SWT1: variants seen among roughly 807,000 people sequenced by gnomAD.
SWT1 encodes the protein transcriptional protein SWT1.
In SWT1, 33 loss-of-function variants were observed where a neutral mutation model predicts 107.3. The ratio of observed to expected loss-of-function variants is 0.31; its 90% CI spans 0.23 to 0.41. The LOEUF is 0.41. Among genes scored for constraint, SWT1 ranks in the 10% least tolerant of loss-of-function variants. SWT1 has a pLI of 1.00. For missense variants in SWT1, 898 were observed against 1,028.9 expected (o/e 0.87, Z 1.74); for synonymous variants, 345 against 348.3 (o/e 0.99, Z 0.11).
intron 16 of SWT1, among the ~76,000 whole-genome samples, chr1:185,233,813 A>G (rs7553819): frequency 0.45 from 68,047 of 151,900 alleles, 16,909 homozygotes; most frequent in African/African-American, 0.68. Flanking sequence ...GCGCAATCTC[A>G]GCTCACTGCA....
At chr1:185,255,599 CA>C (rs1156270988) in intron 16 of SWT1, among the ~76,000 whole-genome samples, 1 of 126,864 alleles carries the variant, frequency 7.9e-6, no homozygotes, top group Non-Finnish European at 1.6e-5. Flanking sequence ...ACTAGGATTG[CA>C]ACCCCTGCCT....
At chr1:185,221,766 A>G (rs1288039445) in intron 14 of SWT1, 83 bp from the exon 15 acceptor site, 1 of 936,100 alleles carries the variant, frequency 1.1e-6, no homozygotes, top group Non-Finnish European at 1.5e-6. Flanking sequence ...AAGCTAGAAC[A>G]TTTGTAAGCA....
intron 15 of SWT1, among the ~76,000 whole-genome samples, chr1:185,222,721 C>T (rs1029911303): frequency 5.5e-5 from 8 of 145,184 alleles, no homozygotes; most frequent in African/African-American, 2.1e-4. Context: ...ACTGACTGTG[C>T]CACTGCACTC....
At chr1:185,272,815 C>T (rs936848640) in intron 17 of SWT1, among the ~76,000 whole-genome samples, 5 of 151,998 alleles carry the variant, frequency 3.3e-5, no homozygotes, top group Non-Finnish European at 5.9e-5. Context: ...GTCAGTGGAT[C>T]GCTTGAACCC....
At chr1:185,255,113 G>A (rs984445725) in intron 16 of SWT1, among the ~76,000 whole-genome samples, 1 of 152,134 alleles carries the variant, frequency 6.6e-6, no homozygotes, top group African/African-American at 2.4e-5. Flanking sequence ...TTAATCCTGA[G>A]TTCTAGTTTG....
Position 185,180,469 on chromosome 1 carries a change from T to C in SWT1, c.1026+19T>C. The C allele has an allele frequency of 2.5e-6, 4 of 1,576,854 alleles. No individual in the cohort carries two copies. Among genetic ancestry groups the C allele is most frequent in the Non-Finnish European group, 3.5e-6 (4 of 1,146,458 alleles). ...TCAAGAGGTTATTGATATTCTTGTT[T>C]ACTTTGATATTTTTAATGAAATTAA... On this transcript the variant is annotated intron_variant, in intron 6 of 18. Transcript: ENST00000367500.
At chr1:185,203,724 T>C (rs1658078209) in intron 11 of SWT1, among the ~76,000 whole-genome samples, 1 of 152,166 alleles carries the variant, frequency 6.6e-6, no homozygotes. Context: ...TTATTAAACC[T>C]GACATTATTT....
intron 13 of SWT1, among the ~76,000 whole-genome samples, chr1:185,213,389 A>T (rs780295020): frequency 2.0e-5 from 3 of 152,168 alleles, no homozygotes; most frequent in Non-Finnish European, 4.4e-5. Flanking sequence ...TTGCTTTATT[A>T]TTATTTTTTA....
At chr1:185,243,824 C>T (rs191504789) in intron 16 of SWT1, among the ~76,000 whole-genome samples, 140 of 152,002 alleles carry the variant, frequency 9.2e-4, no homozygotes, top group African/African-American at 3.1e-3. Flanking sequence ...CAGCATGTAG[C>T]TATATATTTT....
At chr1:185,208,627 T>G (rs1295505867) in intron 13 of SWT1, among the ~76,000 whole-genome samples, 1 of 152,210 alleles carries the variant, frequency 6.6e-6, no homozygotes, top group African/African-American at 2.4e-5. Context: ...ATATGTACAA[T>G]TATTATGTGT....
intron 16 of SWT1, among the ~76,000 whole-genome samples, chr1:185,254,315 C>A (rs1272586414): frequency 7.6e-6 from 1 of 131,726 alleles, no homozygotes; most frequent in Non-Finnish European, 1.6e-5. Flanking sequence ...GGGAGGATTC[C>A]CTCTTTTTCT....
At chr1:185,255,007 A>T (rs201701299) in intron 16 of SWT1, among the ~76,000 whole-genome samples, 1 of 151,866 alleles carries the variant, frequency 6.6e-6, no homozygotes, top group Non-Finnish European at 1.5e-5. Context: ...TTCAAAGAAC[A>T]TCTTTATTTC....
chr1:185,244,377 G>T (rs1249317473), intron 16 of SWT1, among the ~76,000 whole-genome samples: 3 of 152,106 alleles, frequency 2.0e-5, no homozygotes, highest in African/African-American at 7.2e-5. Flanking sequence ...TTACAAACCT[G>T]TATGGCATGC....
intron 16 of SWT1, chr1:185,258,112 A>C (rs910439369): frequency 6.6e-6 from 1 of 151,868 alleles, no homozygotes; most frequent in Admixed American, 6.6e-5. Flanking sequence ...TCTCCTTTTT[A>C]TCTCTCTACT....
chr1:185,204,756 A>C lies in SWT1; in HGVS notation c.1726A>C (p.Ile576Leu), dbSNP rs150605878. ...GGAATCTACAAATTCTGGACTGTCC[A>C]TTCTGCTTGAGAGCATTGTATCTGA... The part of the protein sequence containing the change: ...KEESTNSGLS[I>L]LLESIVSDLE... The change falls in exon 12 of 19, where the codon ATT (isoleucine) becomes CTT (leucine). Residue 576 changes from isoleucine (I) to leucine (L), a missense_variant. This residue lies in a region of SWT1 where 382 missense variants were observed against 460.0 expected (regional missense o/e 0.83). Transcript: ENST00000367500. 2 of 1,602,386 alleles carry C rather than the reference A, an allele frequency of 1.2e-6. No individual in the cohort carries two copies. The highest frequency in any genetic ancestry group is 2.7e-5 in the African/African-American group (2 of 74,352).
chr1:185,168,380 G>C lies in SWT1; in HGVS notation c.206G>C (p.Arg69Thr). 7.2e-7 allele frequency: 1 copy of C among 1,384,432 alleles called. No homozygotes were observed. Among genetic ancestry groups the C allele is most frequent in the Non-Finnish European group, 9.7e-7 (1 of 1,030,800 alleles). 85.8% of individuals were successfully genotyped at this position (1,384,432 alleles called of 1,614,324 possible). The stretch of plus-strand genomic sequence containing the variant: ...GATGTTCTGTACTATAATATAAAAA[G>C]AAGACAAGGACTGAAAAGGTAAATT... ...HTDVLYYNIK[R>T]RQGLKRLSVE... Residue 69 changes from arginine (R) to threonine (T), a missense_variant, in exon 4 of 19, where the codon AGA becomes ACA. Around this residue, in one of 6 missense-constraint regions of SWT1, gnomAD observed 382 missense variants for 362.4 expected, o/e 1.05. Coordinates refer to ENST00000367500, the MANE Select transcript of SWT1 (RefSeq NM_017673.7).
intron 2 of SWT1, among the ~76,000 whole-genome samples, chr1:185,164,720 G>C (rs1470953934): frequency 6.6e-6 from 1 of 152,136 alleles, no homozygotes; most frequent in Non-Finnish European, 1.5e-5. Flanking sequence ...AGAGAGTTAG[G>C]GCCTAGCTCT....
At chr1:185,229,243 A>G (rs986224578) in intron 15 of SWT1, among the ~76,000 whole-genome samples, 1 of 152,108 alleles carries the variant, frequency 6.6e-6, no homozygotes, top group African/African-American at 2.4e-5. Flanking sequence ...TGTGGGAGAG[A>G]TGATAAGAAT....
intron 11 of SWT1, 55 bp downstream of exon 11, chr1:185,202,854 T>C: frequency 2.1e-6 from 2 of 968,458 alleles, no homozygotes; most frequent in Non-Finnish European, 2.9e-6. Flanking sequence ...ACACTAAGAT[T>C]ATTTATAACA....
Sources: gnomAD v4.1 joint callset for allele counts (sites outside exome capture counted in the v4.1 genomes callset) on GRCh38, gnomAD v4.1.1 for gene constraint, gnomAD v4.1.1 regional missense constraint, MANE v1.5 for transcripts, NCBI Gene and HGNC (gene_info 2026-07-23, HGNC 2026-07-21) for gene names.